CASTOR2: variants seen among roughly 807,000 people sequenced by gnomAD.
CASTOR2 encodes the protein GATS protein like 2.
In CASTOR2, 8 loss-of-function variants were observed where a neutral mutation model predicts 31.2. The observed-to-expected ratio is 0.26, with a 90% CI of 0.15 to 0.46. The LOEUF is 0.46. CASTOR2 is among the 20% of genes least tolerant of loss of function. CASTOR2 has a pLI of 0.99. For missense variants in CASTOR2, 216 were observed against 382.1 expected, an observed-to-expected ratio of 0.57 and a Z score of 3.62; for synonymous variants, 162 against 158.7, an observed-to-expected ratio of 1.02 and a Z score of -0.16.
In CASTOR2 at chr7:74,991,963, G is replaced by A. The variant is rs1160721733; in HGVS notation, c.114-16031G>A. ...AGTGCCTTTGCCTCTACTGTGCAGC[G>A]TGGATGGACAGGGTCTCAGGAGACC... On this transcript the variant is annotated intron_variant, in intron 1 of 8. Transcript: ENST00000616305. 5.9e-5 allele frequency among the ~76,000 whole-genome samples: 9 copies of A among 152,180 alleles called. No individual in the cohort carries two copies. In the East Asian group the frequency reaches 9.7e-4, roughly 16 times the overall value.
intron 1 of CASTOR2, among the ~76,000 whole-genome samples, chr7:74,995,113 C>T (rs1483731904): frequency 6.6e-6 from 1 of 151,902 alleles, no homozygotes; most frequent in Non-Finnish European, 1.5e-5. Context: ...ATGAACGGAG[C>T]GGGATACCCT....
In CASTOR2 at chr7:75,020,075, C is replaced by T; in HGVS notation, c.672C>T (p.Gly224=). ...KDPMATGDDC[G]HIRFFSFSLI... is the part of the protein sequence containing the mutation. ...CCATGGCCACTGGGGATGACTGCGG[C>T]CACATCCGCTTCTTCTCCTTCTCCC... The change falls in exon 6 of 9, where the codon GGC becomes GGT. Residue 224 remains glycine, a synonymous_variant. Coordinates refer to ENST00000616305, the MANE Select transcript of CASTOR2 (RefSeq NM_001145064.3). The T allele has an allele frequency of 6.4e-7, 1 of 1,551,468 alleles. No individual in the cohort carries two copies. The highest frequency in any genetic ancestry group is 8.7e-7 in the Non-Finnish European group (1 of 1,146,842).
intron 1 of CASTOR2, among the ~76,000 whole-genome samples, chr7:74,974,498 TGGAGTG>T (rs1435959098): frequency 3.3e-5 from 5 of 150,118 alleles, no homozygotes; most frequent in Non-Finnish European, 5.9e-5. Flanking sequence ...GGGACACAAC[TGGAGTG>T]GGTGCTGGGT....
chr7:75,029,136 G>A lies in CASTOR2; in HGVS notation c.*4437G>A, dbSNP rs984055135. On this transcript the variant is annotated 3_prime_UTR_variant, in exon 9 of 9. Transcript: ENST00000616305. ...CAGGAAGGGCCAGGCCCCTGTTAAA[G>A]CCCAGGGCACTATTTGGTGATCTTC... 1.3e-5 allele frequency among the ~76,000 whole-genome samples: 2 copies of A among 152,328 alleles called. No individual in the cohort carries two copies. Among genetic ancestry groups the A allele is most frequent in the Non-Finnish European group, 2.9e-5 (2 of 68,032 alleles).
chr7:75,017,218 G>A (rs1379627546), intron 2 of CASTOR2, among the ~76,000 whole-genome samples: 1 of 152,158 alleles, frequency 6.6e-6, no homozygotes, highest in African/African-American at 2.4e-5. Context: ...GGAGGCTGAT[G>A]CGGGCGGATC....
chr7:75,006,000 G>A (rs1804598029), intron 1 of CASTOR2, among the ~76,000 whole-genome samples: 1 of 152,174 alleles, frequency 6.6e-6, no homozygotes, highest in African/African-American at 2.4e-5. Context: ...TGTGGTGGTG[G>A]GCGCCTGTAA....
intron 2 of CASTOR2, among the ~76,000 whole-genome samples, chr7:75,014,911 T>C (rs1804833329): frequency 6.6e-6 from 1 of 152,230 alleles, no homozygotes; most frequent in Non-Finnish European, 1.5e-5. Flanking sequence ...CCGCTTCCGC[T>C]GGGGAGGACA....
chr7:75,029,137 C>A lies in CASTOR2; in HGVS notation c.*4438C>A, dbSNP rs1016738307. On this transcript the variant is annotated 3_prime_UTR_variant, in exon 9 of 9. Transcript: ENST00000616305. Reference sequence around the variant, plus strand: ...AGGAAGGGCCAGGCCCCTGTTAAAGCCCAGGGCACTATTTGGTGATCTTCA... The same window carrying A: ...AGGAAGGGCCAGGCCCCTGTTAAAGACCAGGGCACTATTTGGTGATCTTCA... Among the ~76,000 whole-genome samples the A allele has an allele frequency of 1.3e-5, 2 of 152,280 alleles. No individual in the cohort carries two copies. Among genetic ancestry groups the A allele is most frequent in the Non-Finnish European group, 2.9e-5 (2 of 68,020 alleles).
chr7:74,992,263 A>C (rs1338417870), intron 1 of CASTOR2, among the ~76,000 whole-genome samples: 2 of 152,074 alleles, frequency 1.3e-5, no homozygotes. Context: ...TTGTCTAAAG[A>C]TGATCTATTC....
intron 1 of CASTOR2, among the ~76,000 whole-genome samples, chr7:74,999,295 C>T (rs1804435187): frequency 1.3e-5 from 2 of 152,128 alleles, no homozygotes; most frequent in African/African-American, 4.8e-5. Flanking sequence ...CAAGCATGAG[C>T]CACCGCGCCC....
chr7:74,993,933 C>A (rs1475825936), intron 1 of CASTOR2, among the ~76,000 whole-genome samples: 2 of 152,244 alleles, frequency 1.3e-5, no homozygotes, highest in Non-Finnish European at 2.9e-5. Context: ...CACCCTCCTT[C>A]CCCCTCTGCC....
chr7:75,009,620 C>T (rs1315262121), intron 2 of CASTOR2, among the ~76,000 whole-genome samples: 6 of 151,906 alleles, frequency 3.9e-5, no homozygotes, highest in African/African-American at 7.3e-5. Flanking sequence ...TGGCCCCCCC[C>T]GCCCCCACCA....
intron 1 of CASTOR2, 91 bp from the exon 2 acceptor site, chr7:75,007,903 C>T: frequency 6.3e-7 from 1 of 1,595,810 alleles, no homozygotes; most frequent in Non-Finnish European, 8.6e-7. Context: ...TCTGGGTGAA[C>T]TGAGTCATCA....
chr7:74,969,100 A>G (rs1268173323), intron 1 of CASTOR2, among the ~76,000 whole-genome samples: 2 of 14,616 alleles, frequency 1.4e-4, no homozygotes, highest in African/African-American at 3.9e-4. Context: ...AAATGTGCCA[A>G]TCTGCACCTT....
intron 2 of CASTOR2, among the ~76,000 whole-genome samples, chr7:75,009,486 T>C (rs1479469290): frequency 6.6e-6 from 1 of 151,814 alleles, no homozygotes; most frequent in Non-Finnish European, 1.5e-5. Context: ...ACCAGGATGG[T>C]CTCGATCTCC....
At chr7:75,000,021 A>AT (rs1422926600) in intron 1 of CASTOR2, among the ~76,000 whole-genome samples, 1 of 152,082 alleles carries the variant, frequency 6.6e-6, no homozygotes, top group Non-Finnish European at 1.5e-5. Flanking sequence ...GAGGTCAGGA[A>AT]TTCGAGACCA....
intron 6 of CASTOR2, 68 bp from the exon 7 acceptor site, chr7:75,021,801 GGTGCA>G: frequency 6.5e-7 from 1 of 1,537,360 alleles, no homozygotes; most frequent in Non-Finnish European, 8.8e-7. Context: ...CGCTCTGGCT[GGTGCA>G]CCAGCACACC....
At chr7:75,005,708 G>A (rs1206852722) in intron 1 of CASTOR2, among the ~76,000 whole-genome samples, 2 of 152,200 alleles carry the variant, frequency 1.3e-5, no homozygotes, top group South Asian at 2.1e-4. Flanking sequence ...AGAAATTGCC[G>A]GCTGGGTGCA....
At chr7:75,019,222 C>A (rs1433378298) in intron 5 of CASTOR2, 127 bp downstream of exon 5, 43 of 1,492,340 alleles carry the variant, frequency 2.9e-5, no homozygotes, top group Non-Finnish European at 3.6e-5. Context: ...CACAGACCTT[C>A]CCTGGAGCTA....
Sources: gnomAD v4.1 joint callset for allele counts (sites outside exome capture counted in the v4.1 genomes callset) on GRCh38, gnomAD v4.1.1 for gene constraint, MANE v1.5 for transcripts, NCBI Gene and HGNC (gene_info 2026-07-23, HGNC 2026-07-21) for gene names.